POLR3H: variants seen among roughly 807,000 people sequenced by gnomAD.
POLR3H encodes the protein RNA polymerase III subunit H, also known as DNA-directed RNA polymerase III subunit RPC8.
In POLR3H, 17 loss-of-function variants were observed where a neutral mutation model predicts 25.5. That is an observed-to-expected ratio of 0.67 (90% CI 0.46 to 1.00). POLR3H has a LOEUF of 1.00. Among genes scored for constraint, POLR3H ranks in the 50% least tolerant of loss-of-function variants. The pLI is 0.00. For missense variants in POLR3H, 274 were observed against 265.0 expected, an observed-to-expected ratio of 1.03 and a Z score of -0.24; for synonymous variants, 129 against 103.0, an observed-to-expected ratio of 1.25 and a Z score of -1.53.
intron 1 of POLR3H, 81 bp downstream of exon 1, chr22:41,543,910 T>G: frequency 1.0e-6 from 1 of 981,752 alleles, no homozygotes; most frequent in Non-Finnish European, 1.6e-6. Context: ...GGGCTTGGCA[T>G]GACCGAGGCC....
At position 41,528,451 on chromosome 22, in the gene POLR3H, T is replaced by G. The variant is rs576755834; in HGVS notation, c.*832A>C. 1.2e-6 allele frequency: 2 copies of G among 1,609,680 alleles called. No homozygotes were observed. The highest frequency in any genetic ancestry group is 3.3e-5 in the Admixed American group (2 of 59,902). ...CCAAGGGCACACAGTACCCACCACTTCCACCCACACCCACCTTCTCCTTGC... is the reference window on the plus strand; with the variant it reads ...CCAAGGGCACACAGTACCCACCACTGCCACCCACACCCACCTTCTCCTTGC... On this transcript the variant is annotated 3_prime_UTR_variant, in exon 6 of 6. Coordinates refer to ENST00000355209, the MANE Select transcript of POLR3H (RefSeq NM_001018050.4).
rs867701315 is a variant in POLR3H, at chr22:41,544,390, C to G, written c.-289G>C. On this transcript the variant is annotated 5_prime_UTR_variant, in exon 1 of 6. Coordinates refer to ENST00000355209, the MANE Select transcript of POLR3H (RefSeq NM_001018050.4). ...ACTCCACGCCACGCCACTCCACGCCCCGCACCCGCGCCACGTGCCGCCGCT... is the reference window on the plus strand; with the variant it reads ...ACTCCACGCCACGCCACTCCACGCCGCGCACCCGCGCCACGTGCCGCCGCT... The G allele has an allele frequency of 3.6e-6, 1 of 279,278 alleles. No homozygotes were observed. The highest frequency in any genetic ancestry group is 6.6e-6 in the Non-Finnish European group (1 of 152,172). 17.3% of individuals were successfully genotyped at this position (279,278 alleles called of 1,614,324 possible).
In POLR3H at chr22:41,528,845, A is replaced by G; in HGVS notation, c.*438T>C. ...TTTGGTTCAGATCTTAAGCAGCTCC[A>G]TGCAACTGTATTTATTTTTGATGAC... On this transcript the variant is annotated 3_prime_UTR_variant, in exon 6 of 6. Coordinates refer to ENST00000355209, the MANE Select transcript of POLR3H (RefSeq NM_001018050.4). 1.8e-6 allele frequency: 1 copy of G among 563,792 alleles called. No individual in the cohort carries two copies. Among genetic ancestry groups the G allele is most frequent in the South Asian group, 2.4e-5 (1 of 42,206 alleles). 34.9% of individuals were successfully genotyped at this position (563,792 alleles called of 1,614,324 possible).
chr22:41,538,068 C>A (rs975817528), intron 2 of POLR3H, among the ~76,000 whole-genome samples: 1 of 151,574 alleles, frequency 6.6e-6, no homozygotes, highest in South Asian at 2.1e-4. Flanking sequence ...TGGGTTCAAG[C>A]GATTCTCCTG....
chr22:41,529,052 G>A lies in POLR3H; in HGVS notation c.*231C>T. ...GTCCAGGAAGGGTCTTTTCAGTCAA[G>A]GTCAGTGGAGGCCCAACAGCCACAG... On this transcript the variant is annotated 3_prime_UTR_variant, in exon 6 of 6. Coordinates refer to ENST00000355209, the MANE Select transcript of POLR3H (RefSeq NM_001018050.4). 1 of 573,368 alleles carries A rather than the reference G, an allele frequency of 1.7e-6. No homozygotes were observed. Among genetic ancestry groups the A allele is most frequent in the South Asian group, 2.2e-5 (1 of 45,472 alleles). The allele number at this position is 573,368 out of a possible 1,614,324, so 35.5% of individuals were successfully genotyped here.
At chr22:41,542,245 AG>A (rs1429227521) in intron 1 of POLR3H, among the ~76,000 whole-genome samples, 2 of 151,938 alleles carry the variant, frequency 1.3e-5, no homozygotes, top group African/African-American at 4.8e-5. Flanking sequence ...CACCATGCCC[AG>A]CTATTTTTTG....
chr22:41,543,727 G>A (rs746692234), intron 1 of POLR3H: 22 of 622,406 alleles, frequency 3.5e-5, no homozygotes, highest in Admixed American at 6.6e-5. Context: ...TGGAAACTGA[G>A]GCCCAGAAGG....
Position 41,532,160 on chromosome 22 carries a change from GGAA to G in POLR3H, c.296-6_296-4del. 2 of 1,613,658 alleles carry G rather than the reference GGAA, an allele frequency of 1.2e-6. No individual in the cohort carries two copies. Among genetic ancestry groups the G allele is most frequent in the Non-Finnish European group, 1.7e-6 (2 of 1,179,726 alleles). On this transcript the variant is annotated splice_region_variant and splice_polypyrimidine_tract_variant and intron_variant, in intron 3 of 5. Coordinates refer to ENST00000355209, the MANE Select transcript of POLR3H (RefSeq NM_001018050.4). ...GTCATCGAAGAAGCCTAGAGAGACT[GGAA>G]GGAAGGAAGCAGGTGACGGCCTGAG...
At chr22:41,537,616 C>T (rs1441091492) in intron 2 of POLR3H, among the ~76,000 whole-genome samples, 3 of 152,124 alleles carry the variant, frequency 2.0e-5, no homozygotes, top group Non-Finnish European at 2.9e-5. Context: ...AAACCAAGGC[C>T]GAGAGAAGCA....
chr22:41,540,723 C>T lies in POLR3H; in HGVS notation c.184G>A (p.Gly62Arg), dbSNP rs897879648. ...TKLEDAYVFPGDGASHTKVHF... is the reference protein window; with the variant it reads ...TKLEDAYVFPRDGASHTKVHF... ...CCTTTGGTGTGTGATGCGCCATCCC[C>T]AGGGAATACATAGGCATCCTCCAGT... Residue 62 changes from glycine (G) to arginine (R), a missense_variant, in exon 2 of 6, where the codon GGG (glycine) becomes AGG (arginine). Transcript: ENST00000355209. 1.9e-6 allele frequency: 3 copies of T among 1,613,914 alleles called. No homozygotes were observed. Among genetic ancestry groups the T allele is most frequent in the Non-Finnish European group, 2.5e-6 (3 of 1,179,910 alleles).
chr22:41,537,048 G>C (rs1007042744), intron 2 of POLR3H, among the ~76,000 whole-genome samples: 1 of 152,110 alleles, frequency 6.6e-6, no homozygotes. Flanking sequence ...CCCCCGATCA[G>C]TATGGGGCAG....
At chr22:41,543,350 C>A (rs942865505) in intron 1 of POLR3H, among the ~76,000 whole-genome samples, 4 of 151,926 alleles carry the variant, frequency 2.6e-5, no homozygotes, top group African/African-American at 9.7e-5. Context: ...TGCATTGACC[C>A]GAGGCGATGG....
At chr22:41,529,403 G>A in intron 5 of POLR3H, 67 bp from the exon 6 acceptor site, 2 of 1,449,072 alleles carry the variant, frequency 1.4e-6, no homozygotes, top group Non-Finnish European at 1.9e-6. Flanking sequence ...GACAGGAGGT[G>A]AAGGGAGCCC....
intron 5 of POLR3H, chr22:41,529,698 G>A: frequency 1.7e-6 from 1 of 575,286 alleles, no homozygotes; most frequent in South Asian, 1.4e-5. Context: ...CTCTTCCCCG[G>A]AGCCCTCCCT....
chr22:41,531,010 A>C, intron 4 of POLR3H, 122 bp from the exon 5 acceptor site: 1 of 920,110 alleles, frequency 1.1e-6, no homozygotes, highest in Non-Finnish European at 1.7e-6. Context: ...GGGAAGTCAC[A>C]GGAAAAGCAG....
chr22:41,533,179 C>A (rs955884242), intron 2 of POLR3H, among the ~76,000 whole-genome samples: 1 of 152,200 alleles, frequency 6.6e-6, no homozygotes, highest in Admixed American at 6.5e-5. Context: ...TGTTGTGAGG[C>A]GCAGGCCAGC....
chr22:41,533,474 C>A (rs1459852105), intron 2 of POLR3H: 1 of 1,174,828 alleles, frequency 8.5e-7, no homozygotes, highest in African/African-American at 1.6e-5. Flanking sequence ...GGGTGACCCA[C>A]TCACAGCCAC....
Position 41,526,474 on chromosome 22 carries a change from G to C in POLR3H, c.*2809C>G, listed in dbSNP as rs770448518. 2 of 1,602,396 alleles carry C rather than the reference G, an allele frequency of 1.2e-6. No individual in the cohort carries two copies. The highest frequency in any genetic ancestry group is 2.2e-5 in the East Asian group (1 of 44,708). ...ACAAGGTGGGTCAGAGTTGATAGGG[G>C]CAATGCCAGTGGTCACTCCTGAAGG... On this transcript the variant is annotated 3_prime_UTR_variant, in exon 6 of 6. Transcript: ENST00000355209.
rs752544837 is a variant in POLR3H at position 41,527,930 on chromosome 22, C to T, written c.*1353G>A. ...CAACCTGAAGAAACAGGGCCTGCTG[C>T]CTCTGACCTTCGCTGACCCGGCTGA... On this transcript the variant is annotated 3_prime_UTR_variant, in exon 6 of 6. Coordinates refer to ENST00000355209, the MANE Select transcript of POLR3H (RefSeq NM_001018050.4). 2 of 1,614,196 alleles carry T rather than the reference C, an allele frequency of 1.2e-6. No homozygotes were observed. Among genetic ancestry groups the T allele is most frequent in the Non-Finnish European group, 1.7e-6 (2 of 1,180,020 alleles).
Sources: gnomAD v4.1 joint callset for allele counts (sites outside exome capture counted in the v4.1 genomes callset) on GRCh38, gnomAD v4.1.1 for gene constraint, MANE v1.5 for transcripts, NCBI Gene and HGNC (gene_info 2026-07-23, HGNC 2026-07-21) for gene names.